Variants in SCN8A observed in about 807,000 individuals in gnomAD.
SCN8A encodes sodium channel protein type 8 subunit alpha.
In SCN8A, 30 loss-of-function variants were observed where a neutral mutation model predicts 184.1. That is an observed-to-expected ratio of 0.16 (90% CI 0.12 to 0.22). The LOEUF (loss-of-function observed/expected upper bound fraction) is 0.22. Among genes scored for constraint, SCN8A ranks in the 10% least tolerant of loss-of-function variants. The pLI is 1.00. For missense variants in SCN8A, 1,057 were observed against 2,498.9 expected, an observed-to-expected ratio of 0.42 and a Z score of 12.30; for synonymous variants, 852 against 907.0, an observed-to-expected ratio of 0.94 and a Z score of 1.09.
chr12:51,643,724 G>A (rs573649170), intron 1 of SCN8A, among the ~76,000 whole-genome samples: 5 of 152,276 alleles, frequency 3.3e-5, no homozygotes, highest in South Asian at 4.1e-4. Context: ...TTGACATTTC[G>A]TGTAAGATAT....
intron 1 of SCN8A, among the ~76,000 whole-genome samples, chr12:51,602,419 A>G (rs1220385424): frequency 6.6e-6 from 1 of 152,212 alleles, no homozygotes; most frequent in African/African-American, 2.4e-5. Context: ...ACAGACAGAA[A>G]GTAGAATAGT....
chr12:51,624,567 G>C (rs568061999), intron 1 of SCN8A, among the ~76,000 whole-genome samples: 1 of 152,052 alleles, frequency 6.6e-6, no homozygotes, highest in Non-Finnish European at 1.5e-5. Flanking sequence ...TAGGTTGCCT[G>C]TTCACTCTGA....
chr12:51,603,234 C>G (rs1334572726), intron 1 of SCN8A, among the ~76,000 whole-genome samples: 1 of 152,188 alleles, frequency 6.6e-6, no homozygotes, highest in African/African-American at 2.4e-5. Flanking sequence ...GTGGTGTTAC[C>G]TTTTCCAGAA....
At chr12:51,787,033 A>T (rs1293144568) in intron 22 of SCN8A, among the ~76,000 whole-genome samples, 1 of 152,160 alleles carries the variant, frequency 6.6e-6, no homozygotes, top group African/African-American at 2.4e-5. Context: ...CTCAAAGGAA[A>T]TCTCTCATTG....
intron 2 of SCN8A, among the ~76,000 whole-genome samples, chr12:51,664,081 G>T (rs1940981112): frequency 6.6e-6 from 1 of 151,730 alleles, no homozygotes; most frequent in Non-Finnish European, 1.5e-5. Flanking sequence ...ATAGAAAAAA[G>T]TGGAACCATT....
In SCN8A at chr12:51,686,465, A is replaced by G. The variant is rs750126338; in HGVS notation, c.485+8A>G. 1.9e-6 allele frequency: 3 copies of G among 1,547,696 alleles called. No homozygotes were observed. The highest frequency in any genetic ancestry group is 4.5e-5 in the East Asian group (2 of 44,504). On this transcript the variant is annotated splice_region_variant and intron_variant, in intron 4 of 26. Coordinates refer to ENST00000627620, the MANE Select transcript of SCN8A (RefSeq NM_001330260.2). ...CTGGTCGAAGAATGTGGAGTAAGTA[A>G]CTCATTTATGTGTGTGCTTGTTTGT...
intron 2 of SCN8A, among the ~76,000 whole-genome samples, chr12:51,680,804 C>A (rs1941317987): frequency 6.6e-6 from 1 of 152,092 alleles, no homozygotes; most frequent in Non-Finnish European, 1.5e-5. Context: ...GAGTTCAAGA[C>A]CAGCCTGGCC....
chr12:51,794,245 G>A lies in SCN8A; in HGVS notation c.4525-126G>A, dbSNP rs573759084. ...CTCCATCCATGCTCCTGATAGAGCAGCAGAGCTGACCAGTATTACAGAAAA... is the reference window on the plus strand; with the variant it reads ...CTCCATCCATGCTCCTGATAGAGCAACAGAGCTGACCAGTATTACAGAAAA... On this transcript the variant is annotated intron_variant, in intron 25 of 26. Transcript: ENST00000627620. 1.4e-5 allele frequency: 12 copies of A among 850,790 alleles called. No homozygotes were observed. The South Asian group carries it at 1.9e-4, about 13-fold the overall frequency. 52.7% of individuals were successfully genotyped at this position (850,790 alleles called of 1,614,324 possible).
intron 2 of SCN8A, among the ~76,000 whole-genome samples, chr12:51,679,093 T>TTAA (rs1555216041): frequency 3.3e-5 from 5 of 149,742 alleles, no homozygotes; most frequent in South Asian, 2.1e-4. Flanking sequence ...AATAAAAAAA[T>TTAA]AAAAAAAAAT....
chr12:51,793,993 A>C (rs920032641), intron 25 of SCN8A, among the ~76,000 whole-genome samples: 2 of 152,108 alleles, frequency 1.3e-5, no homozygotes, highest in Non-Finnish European at 1.5e-5. Context: ...AAAAATACAA[A>C]AAATTAGCCG....
intron 2 of SCN8A, among the ~76,000 whole-genome samples, chr12:51,671,362 C>T (rs1373014009): frequency 6.6e-6 from 1 of 152,180 alleles, no homozygotes; most frequent in African/African-American, 2.4e-5. Context: ...CCTAAGTTCT[C>T]ATGCAGGTAC....
intron 1 of SCN8A, among the ~76,000 whole-genome samples, chr12:51,643,829 A>G (rs1360368105): frequency 1.3e-5 from 2 of 152,372 alleles, no homozygotes; most frequent in South Asian, 2.1e-4. Flanking sequence ...ATTTTCCAAC[A>G]TGACAGACAG....
intron 2 of SCN8A, among the ~76,000 whole-genome samples, chr12:51,678,874 G>A (rs1244581929): frequency 4.0e-5 from 6 of 151,580 alleles, no homozygotes; most frequent in Non-Finnish European, 5.9e-5. Flanking sequence ...TCAGGAGATC[G>A]AGACCATCCT....
intron 11 of SCN8A, among the ~76,000 whole-genome samples, chr12:51,716,462 G>A (rs968252702): frequency 1.3e-5 from 2 of 152,196 alleles, no homozygotes; most frequent in African/African-American, 4.8e-5. Flanking sequence ...CTGGATCATG[G>A]AGAACTGAGA....
At chr12:51,611,750 C>T (rs1432408023) in intron 1 of SCN8A, among the ~76,000 whole-genome samples, 1 of 152,194 alleles carries the variant, frequency 6.6e-6, no homozygotes, top group Non-Finnish European at 1.5e-5. Context: ...CCACCCTGGC[C>T]TCCCAAAGTG....
At chr12:51,793,018 G>T (rs1376862580) in intron 25 of SCN8A, among the ~76,000 whole-genome samples, 2 of 152,010 alleles carry the variant, frequency 1.3e-5, no homozygotes, top group Non-Finnish European at 2.9e-5. Flanking sequence ...CAAAGTGCTG[G>T]GATTACAGGC....
At chr12:51,655,507 C>A (rs1185234413) in intron 1 of SCN8A, among the ~76,000 whole-genome samples, 1 of 151,900 alleles carries the variant, frequency 6.6e-6, no homozygotes, top group Non-Finnish European at 1.5e-5. Flanking sequence ...TCAGCCTCCC[C>A]AGCAGCTGGG....
rs775397653 is a variant in SCN8A, at chr12:51,811,935, C to T, written c.*4506C>T. 1 of 152,218 alleles carries T rather than the reference C, an allele frequency of 6.6e-6. No individual in the cohort carries two copies. The highest frequency in any genetic ancestry group is 1.5e-5 in the Non-Finnish European group (1 of 68,076). 9.4% of individuals were successfully genotyped at this position (152,218 alleles called of 1,614,324 possible). On this transcript the variant is annotated 3_prime_UTR_variant, in exon 27 of 27. Coordinates refer to ENST00000627620, the MANE Select transcript of SCN8A (RefSeq NM_001330260.2). The stretch of plus-strand genomic sequence containing the variant: ...ATGTTGCCCACAGTTTAGCAAAAAG[C>T]TTCGTTCATTTTCAGGTACTCCCCA...
chr12:51,694,698 T>C (rs1941564737), intron 6 of SCN8A, among the ~76,000 whole-genome samples: 1 of 152,186 alleles, frequency 6.6e-6, no homozygotes, highest in East Asian at 1.9e-4. Context: ...TGTTCTGGAA[T>C]GTGATGTTGT....
Sources: allele counts gnomAD v4.1 joint callset (sites outside exome capture counted in the v4.1 genomes callset), GRCh38; gene constraint gnomAD v4.1.1; transcripts MANE v1.5; gene names NCBI Gene and HGNC (gene_info 2026-07-23, HGNC 2026-07-21).